The following NUP153 variants were observed in gnomAD, a reference collection of about 807,000 sequenced individuals.
The protein encoded by NUP153 is nucleoporin 153.
Under a neutral mutation model 134.6 loss-of-function variants are expected in NUP153, and 27 were observed. The observed-to-expected ratio is 0.20, with a 90% confidence interval of 0.15 to 0.28. The LOEUF (loss-of-function observed/expected upper bound fraction) is 0.28. Ranked by LOEUF, NUP153 falls within the 10% of genes least tolerant of loss-of-function variation. The probability of loss-of-function intolerance (pLI) is 1.00; values close to 1 mark genes in which losing one functional copy is unlikely to be tolerated. For synonymous variants in NUP153, 640 were observed against 623.5 expected (o/e 1.03, Z -0.40); for missense variants, 1,821 against 1,731.3 (o/e 1.05, Z -0.92).
intron 11 of NUP153, 31 bp from the exon 12 acceptor site, chr6:17,649,331 C>A: frequency 1.3e-6 from 2 of 1,583,956 alleles, no homozygotes; most frequent in South Asian, 2.3e-5. Flanking sequence ...TGATATATTT[C>A]ATCTTTCACA....
At chr6:17,688,788 T>C (rs551370995) in intron 1 of NUP153, among the ~76,000 whole-genome samples, 170 bp from the exon 2 acceptor site, 1 of 152,222 alleles carries the variant, frequency 6.6e-6, no homozygotes, top group African/African-American at 2.4e-5. Flanking sequence ...ATTCTACAGA[T>C]GTGAAATTCT....
intron 1 of NUP153, among the ~76,000 whole-genome samples, chr6:17,705,585 T>TGGGGGGGGGGGGTGGGGGG (rs200771105): frequency 2.5e-5 from 1 of 40,160 alleles, no homozygotes; most frequent in African/African-American, 9.6e-5. Flanking sequence ...GTGGCGGTGT[T>TGGGGGGGGGGGGTGGGGGG]GGGGGGGGGG....
rs1450217022 is a variant in NUP153, at chr6:17,615,192, C to A, written c.*905G>T. The A allele has an allele frequency of 6.6e-6, 1 of 152,492 alleles. No homozygotes were observed. The highest frequency in any genetic ancestry group is 2.4e-5 in the African/African-American group (1 of 41,398). 9.4% of individuals were successfully genotyped at this position (152,492 alleles called of 1,614,324 possible). A position where few individuals can be genotyped will look rare whatever the true frequency, so the allele number is the denominator to read the frequency against. On this transcript the variant is annotated 3_prime_UTR_variant, in exon 22 of 22. Coordinates refer to ENST00000262077, the MANE Select transcript of NUP153 (RefSeq NM_005124.4). This position sits in a 1 kb window ranked among gnomAD's most constrained non-coding sequence, Gnocchi z 5.7. ...AAAAATATATGCTTAATACTTTGTA[C>A]AATACTGGTTTTTGGTCCAAACAAA...
chr6:17,641,888 A>G (rs1430850474), intron 14 of NUP153, among the ~76,000 whole-genome samples: 1 of 152,180 alleles, frequency 6.6e-6, no homozygotes, highest in Non-Finnish European at 1.5e-5. Context: ...AGATGGGTCA[A>G]AATGGTAAAA....
chr6:17,619,909 C>T (rs1197057610), intron 20 of NUP153, among the ~76,000 whole-genome samples: 2 of 151,840 alleles, frequency 1.3e-5, no homozygotes, highest in East Asian at 3.9e-4. Flanking sequence ...ACCAGCGTGG[C>T]CAACATGGCA....
Position 17,706,306 on chromosome 6 carries a change from G to A in NUP153, c.82C>T (p.Pro28Ser). ...TRRCHQGPIK[P>S]YQQGRQQHQG... The stretch of plus-strand genomic sequence containing the variant: ...TGCTGTTGTCGCCCCTGCTGGTAAG[G>A]CTTAATTGGCCCCTGGTGGCAACGC... The change falls in exon 1 of 22, where the codon CCT becomes TCT. Residue 28 changes from proline (P) to serine (S), a missense_variant. Physicochemically the swap from Pro to Ser is moderately conservative, Grantham distance 74. Transcript: ENST00000262077. The surrounding 1 kb of genome is among the most constrained non-coding windows in gnomAD (Gnocchi z 5.9). The A allele has an allele frequency of 6.2e-7, 1 of 1,613,650 alleles. No individual in the cohort carries two copies. The highest frequency in any genetic ancestry group is 8.5e-7 in the Non-Finnish European group (1 of 1,179,718).
chr6:17,641,269 C>T (rs1432576171), intron 14 of NUP153, among the ~76,000 whole-genome samples: 2 of 152,020 alleles, frequency 1.3e-5, no homozygotes, highest in Admixed American at 6.6e-5. Flanking sequence ...GGCACGGGGG[C>T]CCGTGCCTGT....
At chr6:17,670,095 CAAA>C (rs71002244) in intron 5 of NUP153, among the ~76,000 whole-genome samples, 87 of 65,150 alleles carry the variant, frequency 1.3e-3, no homozygotes, top group East Asian at 6.1e-3. Flanking sequence ...GACTCTTTCT[CAAA>C]AAAAAAAAAA....
Position 17,626,180 on chromosome 6 carries a change from T to C in NUP153, c.3545-16A>G, listed in dbSNP as rs1356472310. 5.1e-6 allele frequency: 8 copies of C among 1,579,200 alleles called. No homozygotes were observed. The highest frequency in any genetic ancestry group is 5.2e-6 in the Non-Finnish European group (6 of 1,153,922). ...GCACCTTGATCTGTAAGACAGAAAT[T>C]AAGAAACAAACATAAATCCTTAAGA... On this transcript the variant is annotated splice_polypyrimidine_tract_variant and intron_variant, in intron 18 of 21. Coordinates refer to ENST00000262077, the MANE Select transcript of NUP153 (RefSeq NM_005124.4).
chr6:17,664,730 G>A (rs548012060), intron 9 of NUP153, among the ~76,000 whole-genome samples: 2 of 152,184 alleles, frequency 1.3e-5, no homozygotes, highest in Admixed American at 6.5e-5. Context: ...ACATGCTAGA[G>A]TTTACTAGTC....
chr6:17,655,895 T>A (rs1478161744), intron 11 of NUP153, among the ~76,000 whole-genome samples: 4 of 152,206 alleles, frequency 2.6e-5, no homozygotes, highest in African/African-American at 9.6e-5. Context: ...TCCAAACCTA[T>A]TCTATACAGA....
At chr6:17,637,870 A>G in intron 15 of NUP153, 100 bp from the exon 16 acceptor site, 1 of 1,269,860 alleles carries the variant, frequency 7.9e-7, no homozygotes, top group Non-Finnish European at 1.1e-6. Flanking sequence ...CTCACTGCAC[A>G]CTTACTACAA....
rs1217922180 is a variant in NUP153 at position 17,616,240 on chromosome 6, C to CT, written c.4344-60dup. The CT allele has an allele frequency of 1.6e-5, 13 of 801,524 alleles. No individual in the cohort carries two copies. In the African/African-American group the frequency reaches 2.1e-4, roughly 13 times the overall value. The allele number at this position is 801,524 out of a possible 1,614,324, so 49.7% of individuals were successfully genotyped here. A position where few individuals can be genotyped will look rare whatever the true frequency, so the allele number is the denominator to read the frequency against. Reference sequence around the variant, plus strand: ...ATGCTCTGAGCAAAATTTCCAAATGCTAACATTTACCATGAGCAGCACAAG... The same window carrying CT: ...ATGCTCTGAGCAAAATTTCCAAATGCTTAACATTTACCATGAGCAGCACAAG... On this transcript the variant is annotated intron_variant, in intron 21 of 21. Coordinates refer to ENST00000262077, the MANE Select transcript of NUP153 (RefSeq NM_005124.4).
At position 17,618,771 on chromosome 6, in the gene NUP153, T is replaced by A. The variant is rs1764480488; in HGVS notation, c.4175-2076A>T. ...TTAGTAGAGATGGGGTTTCACCGTGTTAGCCAGGATGGTCTCGATATCCTG... is the reference window on the plus strand; with the variant it reads ...TTAGTAGAGATGGGGTTTCACCGTGATAGCCAGGATGGTCTCGATATCCTG... On this transcript the variant is annotated intron_variant, in intron 20 of 21. Transcript: ENST00000262077. Among the ~76,000 whole-genome samples the A allele has an allele frequency of 2.6e-5, 4 of 152,156 alleles. No homozygotes were observed. In the South Asian group the frequency reaches 8.3e-4, roughly 32 times the overall value.
chr6:17,694,978 CAAG>C (rs2113858170), intron 1 of NUP153, among the ~76,000 whole-genome samples: 1 of 74,234 alleles, frequency 1.3e-5, no homozygotes, highest in East Asian at 3.2e-4. Context: ...GACTCTGTCT[CAAG>C]GAAAAAAAAA....
In NUP153 at chr6:17,690,228, T is replaced by C. The variant is rs150896669; in HGVS notation, c.112-1610A>G. Among the ~76,000 whole-genome samples the C allele has an allele frequency of 3.0e-3, 401 of 132,410 alleles. 1 individual carries two copies. The highest frequency in any genetic ancestry group is 7.1e-3 in the Middle Eastern group (2 of 280). The allele number at this position is 132,410 out of a possible 152,430, so 86.9% of individuals were successfully genotyped here. The stretch of plus-strand genomic sequence containing the variant: ...TTAGCCAGGCGTGGTGGCGGGCGCA[T>C]GTAGTCCCAGCTACTCGGGAGGCTG... On this transcript the variant is annotated intron_variant, in intron 1 of 21. Coordinates refer to ENST00000262077, the MANE Select transcript of NUP153 (RefSeq NM_005124.4).
At chr6:17,636,334 CAAAA>C (rs199891939) in intron 16 of NUP153, among the ~76,000 whole-genome samples, 2 of 67,580 alleles carry the variant, frequency 3.0e-5, no homozygotes, top group Non-Finnish European at 3.2e-5. Flanking sequence ...GACTCTGTCT[CAAAA>C]AAAAAAAAAA....
rs749005000 is a variant in NUP153, at chr6:17,625,924, G to A, written c.3785C>T (p.Thr1262Ile). The change falls in exon 19 of 22, where the codon ACC becomes ATC. Residue 1262 changes from threonine (T) to isoleucine (I), a missense_variant. By Grantham distance (89) the Thr-to-Ile change is moderately conservative. Coordinates refer to ENST00000262077, the MANE Select transcript of NUP153 (RefSeq NM_005124.4). The surrounding 1 kb of genome is among the most constrained non-coding windows in gnomAD (Gnocchi z 4.7). ...GACAGCTGTACCTGTGCTGGATGTG[G>A]TTGCTAGTTTGCTATCTTGAGAAAA... Reference protein sequence around the residue: ...LLFSQDSKLATTSSTGTAVTP... With the variant: ...LLFSQDSKLAITSSTGTAVTP... 6.2e-7 allele frequency: 1 copy of A among 1,614,230 alleles called. No homozygotes were observed. The highest frequency in any genetic ancestry group is 8.5e-7 in the Non-Finnish European group (1 of 1,180,034).
At chr6:17,686,846 G>A (rs1398951828) in intron 2 of NUP153, among the ~76,000 whole-genome samples, 1 of 127,918 alleles carries the variant, frequency 7.8e-6, no homozygotes, top group Admixed American at 9.8e-5. Context: ...GATCAACCGT[G>A]ACTTGATTAT....
Sources: gnomAD v4.1 joint callset for allele counts (sites outside exome capture counted in the v4.1 genomes callset) on GRCh38, gnomAD v4.1.1 for gene constraint, Gnocchi (gnomAD v3.1) non-coding constraint, MANE v1.5 for transcripts, NCBI Gene and HGNC (gene_info 2026-07-23, HGNC 2026-07-21) for gene names.